The following PCDHGA3 variants were observed in gnomAD, a reference collection of about 807,000 sequenced individuals.
The protein encoded by PCDHGA3 is protocadherin gamma-A3.
In PCDHGA3, 40 loss-of-function variants were observed where a neutral mutation model predicts 58.5. The observed-to-expected ratio is 0.68, with a 90% CI of 0.53 to 0.89. PCDHGA3 has a LOEUF of 0.89. Among genes scored for constraint, PCDHGA3 ranks in the 40% least tolerant of loss-of-function variants. PCDHGA3 has a pLI of 0.00. For missense variants in PCDHGA3, 1,223 were observed against 1,195.9 expected, an observed-to-expected ratio of 1.02 and a Z score of -0.33; for synonymous variants, 530 against 525.7, an observed-to-expected ratio of 1.01 and a Z score of -0.11.
intron 1 of PCDHGA3, chr5:141,390,885 TGTGA>T (rs2092262333): frequency 6.5e-6 from 1 of 152,688 alleles, no homozygotes; most frequent in African/African-American, 2.4e-5. Flanking sequence ...TGTGTGTGTG[TGTGA>T]GAGAGATCCT....
intron 1 of PCDHGA3, among the ~76,000 whole-genome samples, chr5:141,405,955 C>T (rs116457023): frequency 0.015 from 2,244 of 152,168 alleles, 22 homozygotes; most frequent in Admixed American, 0.035. Flanking sequence ...TAATAATTAA[C>T]CTGCTGTCAA....
intron 1 of PCDHGA3, among the ~76,000 whole-genome samples, chr5:141,448,344 A>G (rs2098583423): frequency 6.6e-6 from 1 of 152,080 alleles, no homozygotes; most frequent in Admixed American, 6.6e-5. Flanking sequence ...CATGTACCTC[A>G]ATCTTAGTAG....
chr5:141,385,563 C>T, intron 1 of PCDHGA3: 1 of 1,304,972 alleles, frequency 7.7e-7, no homozygotes, highest in Non-Finnish European at 9.7e-7. Flanking sequence ...TTATAATTTC[C>T]ACCTACTTTC....
rs759756007 is a variant in PCDHGA3 at position 141,476,248 on chromosome 5, T to C, written c.2425-18559T>C. 2 of 1,613,856 alleles carry C rather than the reference T, an allele frequency of 1.2e-6. No individual in the cohort carries two copies. Among genetic ancestry groups the C allele is most frequent in the South Asian group, 2.2e-5 (2 of 91,050 alleles). On this transcript the variant is annotated intron_variant, in intron 1 of 3. Transcript: ENST00000253812. The surrounding 1 kb of genome is among the most constrained non-coding windows in gnomAD (Gnocchi z 7.6). The stretch of plus-strand genomic sequence containing the variant: ...AGATCCCGGAGGAAAGAGAGAAGGG[T>C]TTCGCTGTGGGCAACGTGGTCGCGA...
chr5:141,389,229 G>A, intron 1 of PCDHGA3: 1 of 1,614,048 alleles, frequency 6.2e-7, no homozygotes, highest in South Asian at 1.1e-5. Context: ...CAACGCTCCG[G>A]TTTTCTCACA....
chr5:141,345,811 C>G lies in PCDHGA3; in HGVS notation c.1778C>G (p.Ala593Gly), dbSNP rs1757645365. The change falls in exon 1 of 4, where the codon GCG (alanine) becomes GGG (glycine). Residue 593 changes from alanine (A) to glycine (G), a missense_variant. Around this residue, in one of 3 missense-constraint regions of PCDHGA3, gnomAD observed 107 missense variants for 159.8 expected, o/e 0.67. Coordinates refer to ENST00000253812, the MANE Select transcript of PCDHGA3 (RefSeq NM_018916.4). ...EPGYLVTKVVAVDRDSGQNAW... is the reference protein window; with the variant it reads ...EPGYLVTKVVGVDRDSGQNAW... Reference sequence around the variant, plus strand: ...GGCTACCTGGTGACCAAGGTGGTGGCGGTGGACAGAGACTCGGGCCAGAAC... The same window carrying G: ...GGCTACCTGGTGACCAAGGTGGTGGGGGTGGACAGAGACTCGGGCCAGAAC... 1 of 1,613,738 alleles carries G rather than the reference C, an allele frequency of 6.2e-7. No individual in the cohort carries two copies. The highest frequency in any genetic ancestry group is 1.7e-5 in the Admixed American group (1 of 60,002).
chr5:141,436,958 G>C (rs2097855854), intron 1 of PCDHGA3, among the ~76,000 whole-genome samples: 1 of 152,124 alleles, frequency 6.6e-6, no homozygotes, highest in Non-Finnish European at 1.5e-5. Context: ...ATCTAAACAA[G>C]GATCTTGTGA....
At chr5:141,405,074 G>A (rs536930748) in intron 1 of PCDHGA3, 7 of 1,613,794 alleles carry the variant, frequency 4.3e-6, no homozygotes, top group Non-Finnish European at 5.1e-6. Context: ...CCTCACCTTC[G>A]TTATCACGCT....
At chr5:141,505,260 C>T in intron 2 of PCDHGA3, 133 bp from the exon 3 acceptor site, 2 of 1,502,832 alleles carry the variant, frequency 1.3e-6, no homozygotes, top group South Asian at 1.3e-5. Context: ...TGCCTCCTAC[C>T]TTGCTGAGAG....
At chr5:141,361,325 C>T (rs1388509991) in intron 1 of PCDHGA3, 9 of 1,613,940 alleles carry the variant, frequency 5.6e-6, no homozygotes, top group Non-Finnish European at 7.6e-6. Flanking sequence ...TTGAAATCTT[C>T]CTCAAAGAAC....
intron 1 of PCDHGA3, chr5:141,356,341 C>T (rs1022494499): frequency 4.5e-6 from 7 of 1,554,834 alleles, no homozygotes; most frequent in Non-Finnish European, 6.1e-6. Context: ...AGGAAATGGC[C>T]TAGTCACATG....
At chr5:141,465,856 C>T (rs1442431032) in intron 1 of PCDHGA3, among the ~76,000 whole-genome samples, 1 of 152,184 alleles carries the variant, frequency 6.6e-6, no homozygotes, top group East Asian at 1.9e-4. Context: ...GGCCCAGTGG[C>T]TCATGCCTGT....
intron 1 of PCDHGA3, chr5:141,366,536 C>T (rs779007704): frequency 1.9e-6 from 3 of 1,614,132 alleles, no homozygotes; most frequent in African/African-American, 1.3e-5. Context: ...GGCGGGTGTG[C>T]CCGCCTCGCA....
rs146919978 is a variant in PCDHGA3, at chr5:141,489,268, G to A, written c.2425-5539G>A. 1,443 of 1,553,166 alleles carry A rather than the reference G, an allele frequency of 9.3e-4. 2 individuals are homozygous for A. The highest frequency in any genetic ancestry group is 1.2e-3 in the Non-Finnish European group (1,381 of 1,149,786). On this transcript the variant is annotated intron_variant, in intron 1 of 3. Transcript: ENST00000253812. The surrounding 1 kb of genome is among the most constrained non-coding windows in gnomAD (Gnocchi z 4.5). ...GGGGCCCAAGACACTCCCACAGCTCGCTGGGAAATGGCAAGTGCTGTGCAT... is the reference window on the plus strand; with the variant it reads ...GGGGCCCAAGACACTCCCACAGCTCACTGGGAAATGGCAAGTGCTGTGCAT...
intron 1 of PCDHGA3, chr5:141,484,980 A>C (rs1387732109): frequency 1.7e-6 from 1 of 593,836 alleles, no homozygotes; most frequent in Admixed American, 3.1e-5. Flanking sequence ...CTGTCTGCCA[A>C]TCGGGTGGTG....
At chr5:141,354,474 AAGGCT>A (rs1759552613) in intron 1 of PCDHGA3, among the ~76,000 whole-genome samples, 1 of 152,066 alleles carries the variant, frequency 6.6e-6, no homozygotes, top group Non-Finnish European at 1.5e-5. Context: ...TGTACAGGGT[AAGGCT>A]AACTCTTGAA....
intron 1 of PCDHGA3, chr5:141,355,084 A>G (rs1396443038): frequency 6.9e-7 from 1 of 1,440,360 alleles, no homozygotes; most frequent in Admixed American, 2.5e-5. Context: ...CTTCAAGCGG[A>G]AGCCCTGAGA....
rs144222319 is a variant in PCDHGA3, at chr5:141,505,519, C to T, written c.2572+38C>T. ...AGTGTGTGTATGGAAGAGTGGGAGACCTGGGGTTCTGGGGTGCATCTCACA... is the reference window on the plus strand; with the variant it reads ...AGTGTGTGTATGGAAGAGTGGGAGATCTGGGGTTCTGGGGTGCATCTCACA... On this transcript the variant is annotated intron_variant, in intron 3 of 3. Coordinates refer to ENST00000253812, the MANE Select transcript of PCDHGA3 (RefSeq NM_018916.4). The T allele has an allele frequency of 1.5e-3, 2,491 of 1,613,690 alleles. 3 individuals carry two copies. The highest frequency in any genetic ancestry group is 2.6e-3 in the Middle Eastern group (16 of 6,060).
At chr5:141,376,679 T>G (rs1008866087) in intron 1 of PCDHGA3, 29 of 528,326 alleles carry the variant, frequency 5.5e-5, no homozygotes, top group East Asian at 4.1e-5. Flanking sequence ...GGGTATCGTT[T>G]TTTTTTTTTT....
Sources: allele counts gnomAD v4.1 joint callset (sites outside exome capture counted in the v4.1 genomes callset), GRCh38; gene constraint gnomAD v4.1.1; regional missense constraint gnomAD v4.1.1; non-coding constraint Gnocchi (gnomAD v3.1); transcripts MANE v1.5; gene names NCBI Gene and HGNC (gene_info 2026-07-23, HGNC 2026-07-21).